DAPK1: variants seen among roughly 807,000 people sequenced by gnomAD.
The protein encoded by DAPK1 is death-associated protein kinase 1.
DAPK1 carries 56 observed loss-of-function variants against 144.9 expected under a neutral mutation model. That is an observed-to-expected ratio of 0.39 (90% CI 0.31 to 0.48). The LOEUF (loss-of-function observed/expected upper bound fraction) is 0.48, where lower values mean the gene tolerates loss of function less well. DAPK1 is among the 20% of genes least tolerant of loss of function. DAPK1 has a pLI of 0.95. For synonymous variants in DAPK1, 690 were observed against 749.0 expected, an observed-to-expected ratio of 0.92 and a Z score of 1.29; for missense variants, 1,454 against 1,875.4, an observed-to-expected ratio of 0.78 and a Z score of 4.15.
At chr9:87,692,990 T>TTTTTTTG (rs1825124744) in intron 21 of DAPK1, among the ~76,000 whole-genome samples, 1 of 122,504 alleles carries the variant, frequency 8.2e-6, no homozygotes, top group African/African-American at 3.7e-5. Flanking sequence ...TTTTTTTTTT[T>TTTTTTTG]TCTGTTTTCA....
chr9:87,499,365 A>T, intron 2 of DAPK1: 1 of 516,866 alleles, frequency 1.9e-6, no homozygotes, highest in Non-Finnish European at 3.5e-6. Context: ...GATGCACAGT[A>T]TATTGATCCA....
At chr9:87,694,419 G>A (rs36218440) in intron 21 of DAPK1, among the ~76,000 whole-genome samples, 8,553 of 152,222 alleles carry the variant, frequency 0.056, 609 homozygotes, top group African/African-American at 0.15. Flanking sequence ...AGCTCAGCAG[G>A]CCTGTCGTCA....
intron 2 of DAPK1, among the ~76,000 whole-genome samples, chr9:87,571,999 G>T (rs1827379400): frequency 1.3e-5 from 2 of 152,180 alleles, no homozygotes; most frequent in Admixed American, 6.5e-5. Context: ...CACCTTTTAA[G>T]AGTTCTTTGT....
chr9:87,525,254 G>T, intron 2 of DAPK1: 3 of 1,408,212 alleles, frequency 2.1e-6, no homozygotes, highest in South Asian at 2.3e-5. Context: ...TAAAAAATGC[G>T]TTGAATAGAG....
At chr9:87,602,482 G>C (rs2118945838) in intron 2 of DAPK1, among the ~76,000 whole-genome samples, 1 of 152,264 alleles carries the variant, frequency 6.6e-6, no homozygotes, top group South Asian at 2.1e-4. Context: ...GGGCTAACCT[G>C]CCTTTACTTA....
chr9:87,594,889 G>A (rs957645366), intron 2 of DAPK1, among the ~76,000 whole-genome samples: 10 of 152,194 alleles, frequency 6.6e-5, no homozygotes, highest in Admixed American at 5.9e-4. Context: ...TCCCAGGCCT[G>A]AGTCAGTTGG....
At chr9:87,583,669 A>T (rs1827832064) in intron 2 of DAPK1, among the ~76,000 whole-genome samples, 1 of 151,982 alleles carries the variant, frequency 6.6e-6, no homozygotes, top group Non-Finnish European at 1.5e-5. Flanking sequence ...TGACCTCCTC[A>T]TTTCCAGCCA....
intron 15 of DAPK1, 34 bp downstream of exon 15, chr9:87,648,913 T>G (rs775145967): frequency 6.4e-7 from 1 of 1,563,278 alleles, no homozygotes; most frequent in Non-Finnish European, 8.8e-7. Context: ...CTTCCTCTGC[T>G]CTATACATGA....
intron 3 of DAPK1, among the ~76,000 whole-genome samples, chr9:87,627,110 A>G (rs1303717009): frequency 2.0e-5 from 3 of 152,252 alleles, no homozygotes; most frequent in East Asian, 1.9e-4. Flanking sequence ...GGAACCTACT[A>G]TCTTCCTCAG....
At position 87,524,706 on chromosome 9, in the gene DAPK1, G is replaced by A. The variant is rs145260828; in HGVS notation, c.62+25567G>A. Among the ~76,000 whole-genome samples the A allele has an allele frequency of 2.2e-4, 34 of 152,226 alleles. No homozygotes were observed. The East Asian group carries it at 5.2e-3, about 23-fold the overall frequency. On this transcript the variant is annotated intron_variant, in intron 2 of 25. Coordinates refer to ENST00000408954, the MANE Select transcript of DAPK1 (RefSeq NM_004938.4). The stretch of plus-strand genomic sequence containing the variant: ...ATATATACATGATAGAATACTACTC[G>A]GCCCTAAAAAGGAATGAATTAATGG...
chr9:87,651,815 A>G lies in DAPK1; in HGVS notation c.1824+91A>G, dbSNP rs28735486. The G allele has an allele frequency of 1.4e-4, 158 of 1,099,008 alleles. 1 individual carries two copies. Among genetic ancestry groups the G allele is most frequent in the Admixed American group, 8.7e-4 (42 of 48,366 alleles). The allele number at this position is 1,099,008 out of a possible 1,614,324, so 68.1% of individuals were successfully genotyped here. A position where few individuals can be genotyped will look rare whatever the true frequency, so the allele number is the denominator to read the frequency against. On this transcript the variant is annotated intron_variant, in intron 17 of 25. Transcript: ENST00000408954. ...ATTCTGTGTCCTCTCACCTGATCCC[A>G]GGTCCTGATTCTGTGTCCTCCCACC... is the stretch of plus-strand genomic sequence containing the variant.
chr9:87,570,986 T>C (rs1038835904), intron 2 of DAPK1, among the ~76,000 whole-genome samples: 2 of 152,214 alleles, frequency 1.3e-5, no homozygotes, highest in Non-Finnish European at 2.9e-5. Context: ...AAAAGTCACT[T>C]GGTTTCAGTG....
At chr9:87,615,261 C>G (rs1346110972) in intron 3 of DAPK1, among the ~76,000 whole-genome samples, 1 of 152,168 alleles carries the variant, frequency 6.6e-6, no homozygotes, top group Non-Finnish European at 1.5e-5. Context: ...CTTTATTTCC[C>G]TGTGTGTAAC....
intron 23 of DAPK1, among the ~76,000 whole-genome samples, chr9:87,699,499 T>C (rs1825384835): frequency 6.6e-6 from 1 of 152,210 alleles, no homozygotes; most frequent in Non-Finnish European, 1.5e-5. Context: ...TCAAGTATTA[T>C]TTTGTAAAAC....
intron 3 of DAPK1, among the ~76,000 whole-genome samples, chr9:87,620,469 C>T (rs751283925): frequency 1.4e-4 from 21 of 151,708 alleles, no homozygotes; most frequent in Non-Finnish European, 2.9e-4. Context: ...CTGTGTGCCT[C>T]TGATGGGCTG....
At chr9:87,502,020 TAG>T (rs1341391294) in intron 2 of DAPK1, among the ~76,000 whole-genome samples, 1 of 152,160 alleles carries the variant, frequency 6.6e-6, no homozygotes, top group African/African-American at 2.4e-5. Context: ...TGATCAGCAG[TAG>T]AGAGTTAAAC....
chr9:87,619,825 CGTT>C (rs1231211788), intron 3 of DAPK1, among the ~76,000 whole-genome samples: 2 of 152,126 alleles, frequency 1.3e-5, no homozygotes, highest in Non-Finnish European at 2.9e-5. Context: ...TGCTGATTGT[CGTT>C]GTCATCTGGT....
chr9:87,660,050 G>T (rs1830785678), intron 18 of DAPK1, among the ~76,000 whole-genome samples: 1 of 152,172 alleles, frequency 6.6e-6, no homozygotes, highest in African/African-American at 2.4e-5. Flanking sequence ...GGGAGGCATT[G>T]CTGGAACCTG....
chr9:87,627,794 A>C (rs2119075249), intron 3 of DAPK1, among the ~76,000 whole-genome samples: 1 of 152,242 alleles, frequency 6.6e-6, no homozygotes, highest in South Asian at 2.1e-4. Context: ...GGCAAGAGGC[A>C]CTCACAGAAG....
Sources: gnomAD v4.1 joint callset for allele counts (sites outside exome capture counted in the v4.1 genomes callset) on GRCh38, gnomAD v4.1.1 for gene constraint, MANE v1.5 for transcripts, NCBI Gene and HGNC (gene_info 2026-07-23, HGNC 2026-07-21) for gene names.